The following LHPP variants were observed in gnomAD, a reference collection of about 807,000 sequenced individuals.
LHPP encodes hLHPP.
A neutral mutation model predicts 30.3 loss-of-function variants in LHPP; 24 were observed. The observed-to-expected ratio is 0.79, with a 90% CI of 0.57 to 1.11. The LOEUF is 1.11. Among genes scored for constraint, LHPP ranks in the 50% most tolerant of loss-of-function variants. LHPP has a pLI of 0.00. For synonymous variants in LHPP, 150 were observed against 157.1 expected (o/e 0.95, Z 0.34); for missense variants, 356 against 367.2 (o/e 0.97, Z 0.25).
intron 6 of LHPP, among the ~76,000 whole-genome samples, chr10:124,566,886 G>A (rs1376355858): frequency 6.6e-6 from 1 of 152,236 alleles, no homozygotes; most frequent in East Asian, 1.9e-4. Context: ...TTCTAGCCGT[G>A]CTGGTCGCAC....
intron 1 of LHPP, among the ~76,000 whole-genome samples, chr10:124,472,649 C>T (rs1407977512): frequency 6.6e-6 from 1 of 151,760 alleles, no homozygotes; most frequent in Non-Finnish European, 1.5e-5. Context: ...ACCTTGGCCT[C>T]CCGGGTTCAA....
intron 5 of LHPP, chr10:124,498,819 C>T (rs760602818): frequency 2.6e-6 from 1 of 380,466 alleles, no homozygotes; most frequent in Admixed American, 3.5e-5. Context: ...TAACCAGGCC[C>T]CCCCCCCGCC....
chr10:124,540,146 C>T (rs1955145896), intron 6 of LHPP, among the ~76,000 whole-genome samples: 1 of 152,140 alleles, frequency 6.6e-6, no homozygotes, highest in African/African-American at 2.4e-5. Context: ...GTTCATGCAG[C>T]GCCGTGCTGT....
intron 6 of LHPP, among the ~76,000 whole-genome samples, chr10:124,528,843 C>T (rs190142590): frequency 6.6e-6 from 1 of 152,224 alleles, no homozygotes; most frequent in East Asian, 1.9e-4. Context: ...GGCTGTTCTT[C>T]CTTCTAGGGA....
At chr10:124,555,066 C>T (rs1472327704) in intron 6 of LHPP, among the ~76,000 whole-genome samples, 5 of 152,200 alleles carry the variant, frequency 3.3e-5, no homozygotes, top group East Asian at 3.8e-4. Flanking sequence ...GGTTTGAGTA[C>T]GTCCAGCGAG....
At chr10:124,528,541 T>A (rs1053634073) in intron 6 of LHPP, among the ~76,000 whole-genome samples, 1 of 152,254 alleles carries the variant, frequency 6.6e-6, no homozygotes, top group African/African-American at 2.4e-5. Flanking sequence ...GTATTTCCAC[T>A]AGAGACGGGG....
At chr10:124,536,564 C>G (rs573511458) in intron 6 of LHPP, among the ~76,000 whole-genome samples, 1 of 152,336 alleles carries the variant, frequency 6.6e-6, no homozygotes, top group South Asian at 2.1e-4. Flanking sequence ...CCCAGAGACC[C>G]TGCTGTGTAT....
intron 6 of LHPP, among the ~76,000 whole-genome samples, chr10:124,611,442 C>T (rs1414418323): frequency 2.6e-5 from 4 of 151,904 alleles, no homozygotes; most frequent in Middle Eastern, 3.4e-3. Flanking sequence ...GTGCTGTGCT[C>T]GGAGACTGTG....
In LHPP at chr10:124,497,851, G is replaced by A. The variant is rs116765607; in HGVS notation, c.532-185G>A. Among the ~76,000 whole-genome samples the A allele has an allele frequency of 5.9e-3, 905 of 152,262 alleles. 10 individuals carry two copies. The highest frequency in any genetic ancestry group is 0.02 in the African/African-American group (812 of 41,554). On this transcript the variant is annotated intron_variant, in intron 4 of 6. Coordinates refer to ENST00000368842, the MANE Select transcript of LHPP (RefSeq NM_022126.4). ...GTGCCTGGTGCTAGGGGACCTGAGTGACCCGGGCAGCCCTTTCTGGAGTTG... is the reference window on the plus strand; with the variant it reads ...GTGCCTGGTGCTAGGGGACCTGAGTAACCCGGGCAGCCCTTTCTGGAGTTG...
At chr10:124,522,243 T>C (rs1053594101) in intron 6 of LHPP, among the ~76,000 whole-genome samples, 2 of 152,142 alleles carry the variant, frequency 1.3e-5, no homozygotes, top group Admixed American at 6.5e-5. Flanking sequence ...GGGGCGGCCC[T>C]CACCTGGCTG....
chr10:124,607,034 C>A (rs1479756572), intron 6 of LHPP, among the ~76,000 whole-genome samples: 1 of 152,196 alleles, frequency 6.6e-6, no homozygotes, highest in African/African-American at 2.4e-5. Flanking sequence ...TCCCTCCCTC[C>A]GTGTGTGGCC....
chr10:124,588,187 C>T (rs1216682192), intron 6 of LHPP, among the ~76,000 whole-genome samples: 1 of 152,264 alleles, frequency 6.6e-6, no homozygotes, highest in African/African-American at 2.4e-5. Flanking sequence ...ACAGGCACAA[C>T]ACGCGTCCCT....
Position 124,592,642 on chromosome 10 carries a change from T to C in LHPP, c.717-20622T>C, listed in dbSNP as rs1948895594. On this transcript the variant is annotated intron_variant, in intron 6 of 6. Coordinates refer to ENST00000368842, the MANE Select transcript of LHPP (RefSeq NM_022126.4). The surrounding 1 kb of genome is among the most constrained non-coding windows in gnomAD (Gnocchi z 6.2). ...GCTGGTGCCCAGGAGGTGGGAGCTG[T>C]GGAGCTGCCTCCAGGCCTTCCCGGA... Among the ~76,000 whole-genome samples, 2 of 152,148 alleles carry C rather than the reference T, an allele frequency of 1.3e-5. No individual in the cohort carries two copies. The highest frequency in any genetic ancestry group is 2.9e-5 in the Non-Finnish European group (2 of 68,002).
chr10:124,488,458 A>C lies in LHPP; in HGVS notation c.350A>C (p.Asn117Thr). 6.2e-7 allele frequency: 1 copy of C among 1,614,070 alleles called. No homozygotes were observed. Among genetic ancestry groups the C allele is most frequent in the Non-Finnish European group, 8.5e-7 (1 of 1,179,992 alleles). ...GAATTTGATCAGATCGACACATCCAACCCAAACTGTGTGGTAATTGCAGAC... is the reference window on the plus strand; with the variant it reads ...GAATTTGATCAGATCGACACATCCACCCCAAACTGTGTGGTAATTGCAGAC... ...RSEFDQIDTS[N>T]PNCVVIADAG... Residue 117 changes from asparagine to threonine, a missense_variant, in exon 3 of 7, where the codon AAC (asparagine) becomes ACC (threonine). Coordinates refer to ENST00000368842, the MANE Select transcript of LHPP (RefSeq NM_022126.4).
chr10:124,524,004 G>C (rs1954670534), intron 6 of LHPP, among the ~76,000 whole-genome samples: 1 of 152,206 alleles, frequency 6.6e-6, no homozygotes. Flanking sequence ...GTCACACGGA[G>C]TGGGACCCAC....
chr10:124,466,133 T>C (rs909458180), intron 1 of LHPP, among the ~76,000 whole-genome samples: 2 of 152,062 alleles, frequency 1.3e-5, no homozygotes, highest in Non-Finnish European at 2.9e-5. Context: ...AGCTCAGATA[T>C]CCATCAGTAG....
chr10:124,580,102 G>A (rs1450611068), intron 6 of LHPP, among the ~76,000 whole-genome samples: 1 of 151,956 alleles, frequency 6.6e-6, no homozygotes, highest in Non-Finnish European at 1.5e-5. Flanking sequence ...ATCCTTTGTA[G>A]CTTCACTGTG....
chr10:124,594,203 G>A (rs1156236377), intron 6 of LHPP, among the ~76,000 whole-genome samples: 1 of 151,858 alleles, frequency 6.6e-6, no homozygotes, highest in Non-Finnish European at 1.5e-5. Context: ...GATGGTGCAT[G>A]CCTATAATCC....
intron 6 of LHPP, among the ~76,000 whole-genome samples, chr10:124,602,222 T>G (rs1381189138): frequency 6.6e-6 from 1 of 152,200 alleles, no homozygotes. Flanking sequence ...CTCTGCCACT[T>G]CTGGCTGTGA....
Sources: gnomAD v4.1 joint callset for allele counts (sites outside exome capture counted in the v4.1 genomes callset) on GRCh38, gnomAD v4.1.1 for gene constraint, Gnocchi (gnomAD v3.1) non-coding constraint, MANE v1.5 for transcripts, NCBI Gene and HGNC (gene_info 2026-07-23, HGNC 2026-07-21) for gene names.